The following TXNDC11 variants were observed in gnomAD, a reference collection of about 807,000 sequenced individuals.
TXNDC11 encodes the protein thioredoxin domain-containing protein 11.
TXNDC11 carries 68 observed loss-of-function variants against 78.0 expected under a neutral mutation model. That is an observed-to-expected ratio of 0.87 (90% CI 0.72 to 1.07). TXNDC11 has a LOEUF of 1.07. Among genes scored for constraint, TXNDC11 ranks in the 50% least tolerant of loss-of-function variants. The probability of loss-of-function intolerance (pLI) is 0.00; values close to 1 mark genes in which losing one functional copy is unlikely to be tolerated. For synonymous variants in TXNDC11, 571 were observed against 495.2 expected (o/e 1.15, Z -2.03); for missense variants, 1,389 against 1,221.8 (o/e 1.14, Z -2.04).
At chr16:11,706,733 A>G (rs2051191831) in intron 5 of TXNDC11, among the ~76,000 whole-genome samples, 1 of 152,120 alleles carries the variant, frequency 6.6e-6, no homozygotes, top group Non-Finnish European at 1.5e-5. Flanking sequence ...ACAGCTACCA[A>G]GGGTTCCTGA....
At chr16:11,683,208 G>A (rs1187110630) in intron 11 of TXNDC11, among the ~76,000 whole-genome samples, 1 of 152,210 alleles carries the variant, frequency 6.6e-6, no homozygotes, top group Admixed American at 6.5e-5. Context: ...TTTACTAACT[G>A]GAAGTCCGCT....
intron 5 of TXNDC11, among the ~76,000 whole-genome samples, chr16:11,713,660 T>G (rs899345773): frequency 1.3e-5 from 2 of 152,056 alleles, no homozygotes; most frequent in African/African-American, 4.8e-5. Flanking sequence ...AGGTGATCCA[T>G]GCGCCTTGGC....
intron 7 of TXNDC11, 132 bp from the exon 8 acceptor site, chr16:11,692,214 T>C: frequency 1.4e-6 from 1 of 711,204 alleles, no homozygotes. Flanking sequence ...AAATGGAAAA[T>C]TCCAGAAATA....
intron 4 of TXNDC11, among the ~76,000 whole-genome samples, chr16:11,728,259 A>G (rs1342753928): frequency 6.6e-6 from 1 of 152,198 alleles, no homozygotes; most frequent in Non-Finnish European, 1.5e-5. Context: ...GCTATTTGGT[A>G]TATTTTGCAA....
At chr16:11,721,447 T>A in intron 5 of TXNDC11, 130 bp downstream of exon 5, 1 of 533,178 alleles carries the variant, frequency 1.9e-6, no homozygotes, top group Non-Finnish European at 3.3e-6. Context: ...TAAAAAAAAA[T>A]AAAATAAATA....
intron 3 of TXNDC11, among the ~76,000 whole-genome samples, chr16:11,732,497 T>C (rs188946659): frequency 6.6e-6 from 1 of 152,302 alleles, no homozygotes; most frequent in Admixed American, 6.5e-5. Flanking sequence ...TGAGAAAGTA[T>C]TCCTGTATCC....
chr16:11,680,643 A>G (rs1485738161), intron 11 of TXNDC11, among the ~76,000 whole-genome samples: 2 of 152,172 alleles, frequency 1.3e-5, no homozygotes, highest in Admixed American at 6.5e-5. Context: ...CAATTGATCA[A>G]AACTACCAGC....
intron 11 of TXNDC11, among the ~76,000 whole-genome samples, chr16:11,682,500 G>A (rs561565987): frequency 1.3e-5 from 2 of 152,346 alleles, no homozygotes; most frequent in African/African-American, 4.8e-5. Flanking sequence ...CAGGCCTCCA[G>A]ATGACGCCCC....
chr16:11,728,932 T>C (rs911866015), intron 4 of TXNDC11, among the ~76,000 whole-genome samples: 2 of 150,398 alleles, frequency 1.3e-5, no homozygotes, highest in Non-Finnish European at 3.0e-5. Flanking sequence ...ACCTGAGAGA[T>C]GGAGATTGCA....
chr16:11,680,009 G>C (rs541791444), intron 11 of TXNDC11, among the ~76,000 whole-genome samples, 172 bp from the exon 12 acceptor site: 108 of 152,340 alleles, frequency 7.1e-4, no homozygotes, highest in Non-Finnish European at 1.1e-3. Context: ...TCTCTACAAA[G>C]CTGAGGCTGT....
chr16:11,688,634 T>A (rs1197186618), intron 8 of TXNDC11, 189 bp from the exon 9 acceptor site: 1 of 511,570 alleles, frequency 2.0e-6, no homozygotes, highest in Non-Finnish European at 3.5e-6. Flanking sequence ...TAGTATTAAC[T>A]CAGCAGACAG....
intron 7 of TXNDC11, among the ~76,000 whole-genome samples, chr16:11,694,912 T>C (rs1207715034): frequency 6.6e-6 from 1 of 152,254 alleles, no homozygotes; most frequent in East Asian, 1.9e-4. Context: ...ATTAAGGAAA[T>C]CTTGGCAAAT....
intron 5 of TXNDC11, among the ~76,000 whole-genome samples, chr16:11,716,539 A>G (rs966144591): frequency 2.6e-5 from 4 of 152,354 alleles, no homozygotes; most frequent in Non-Finnish European, 4.4e-5. Flanking sequence ...AAAGATTGCC[A>G]GCCCACAATT....
chr16:11,707,262 A>G (rs1734556223), intron 5 of TXNDC11, among the ~76,000 whole-genome samples: 1 of 151,576 alleles, frequency 6.6e-6, no homozygotes, highest in African/African-American at 2.4e-5. Flanking sequence ...CCCCATCTCT[A>G]CTAAAAATTA....
At chr16:11,728,818 G>A (rs2051959249) in intron 4 of TXNDC11, among the ~76,000 whole-genome samples, 1 of 151,882 alleles carries the variant, frequency 6.6e-6, no homozygotes, top group Non-Finnish European at 1.5e-5. Flanking sequence ...TGGCCAACAT[G>A]GTGAAACCCC....
At chr16:11,687,697 A>G (rs1443044210) in intron 10 of TXNDC11, among the ~76,000 whole-genome samples, 160 bp downstream of exon 10, 1 of 152,262 alleles carries the variant, frequency 6.6e-6, no homozygotes, top group Non-Finnish European at 1.5e-5. Flanking sequence ...TCAGTTTCAA[A>G]GAGGCTTTGC....
intron 7 of TXNDC11, among the ~76,000 whole-genome samples, chr16:11,693,100 A>G (rs889814269): frequency 7.2e-5 from 11 of 152,166 alleles, no homozygotes; most frequent in African/African-American, 2.7e-4. Context: ...CAGAAGCCAC[A>G]TTGGATTTAT....
At position 11,679,607 on chromosome 16, in the gene TXNDC11, A is replaced by G. The variant is rs768713737; in HGVS notation, c.2465T>C (p.Val822Ala). 1 of 1,613,948 alleles carries G rather than the reference A, an allele frequency of 6.2e-7. No individual in the cohort carries two copies. The highest frequency in any genetic ancestry group is 8.5e-7 in the Non-Finnish European group (1 of 1,180,018). ...AEISSLQRAQ[V>A]QVESQLSSAR... ...ACTGGAGAGCTGGGACTCCACCTGC[A>G]CTTGTGCTCGCTGGAGGCTGCTTAT... Residue 822 changes from valine to alanine, a missense_variant, in exon 12 of 12, where the codon GTG (valine) becomes GCG (alanine). Transcript: ENST00000283033. The surrounding 1 kb of genome is among the most constrained non-coding windows in gnomAD (Gnocchi z 4.6).
intron 10 of TXNDC11, 55 bp from the exon 11 acceptor site, chr16:11,684,300 T>A: frequency 7.6e-7 from 1 of 1,315,610 alleles, no homozygotes; most frequent in Non-Finnish European, 1.1e-6. Context: ...AACACCAACT[T>A]GAAAGAACCT....
Sources: gnomAD v4.1 joint callset for allele counts (sites outside exome capture counted in the v4.1 genomes callset) on GRCh38, gnomAD v4.1.1 for gene constraint, Gnocchi (gnomAD v3.1) non-coding constraint, MANE v1.5 for transcripts, NCBI Gene and HGNC (gene_info 2026-07-23, HGNC 2026-07-21) for gene names.